SF1: variants seen among roughly 807,000 people sequenced by gnomAD.
The protein encoded by SF1 is branch point-binding protein.
SF1 carries 7 observed loss-of-function variants against 62.5 expected under a neutral mutation model. That is an observed-to-expected ratio of 0.11 (90% CI 0.06 to 0.21). SF1 has a LOEUF of 0.21. Among genes scored for constraint, SF1 ranks in the 10% least tolerant of loss-of-function variants. The pLI, the probability that SF1 is intolerant of heterozygous loss-of-function variation, is 1.00. For synonymous variants in SF1, 394 were observed against 323.6 expected, an observed-to-expected ratio of 1.22 and a Z score of -2.33; for missense variants, 578 against 884.0, an observed-to-expected ratio of 0.65 and a Z score of 4.39.
intron 1 of SF1, among the ~76,000 whole-genome samples, chr11:64,777,329 A>C (rs1225627977): frequency 6.6e-6 from 1 of 152,156 alleles, no homozygotes; most frequent in African/African-American, 2.4e-5. Flanking sequence ...TCTATTTCCC[A>C]AGGGGTACAG....
chr11:64,767,373 G>A (rs1439599210), intron 10 of SF1, 122 bp from the exon 11 acceptor site: 6 of 1,114,642 alleles, frequency 5.4e-6, no homozygotes, highest in Non-Finnish European at 8.1e-6. Flanking sequence ...GTAAAAGGCA[G>A]GTCTGTGCTT....
intron 1 of SF1, 167 bp downstream of exon 1, chr11:64,778,195 C>T: frequency 9.4e-7 from 1 of 1,065,454 alleles, no homozygotes; most frequent in Non-Finnish European, 1.2e-6. Flanking sequence ...GAGGCAGCGC[C>T]GCGAAGGGGA....
intron 3 of SF1, chr11:64,771,570 C>T: frequency 2.0e-6 from 2 of 985,432 alleles, no homozygotes; most frequent in South Asian, 4.7e-5. Flanking sequence ...ACGTTACACA[C>T]ACGATGGAAT....
chr11:64,773,206 T>G (rs1938599439), intron 3 of SF1: 1 of 1,352,210 alleles, frequency 7.4e-7, no homozygotes, highest in East Asian at 3.2e-5. Flanking sequence ...AGTTGTCCAT[T>G]TTCCTGTAAC....
At chr11:64,777,386 C>T (rs1248897626) in intron 1 of SF1, 2 of 517,380 alleles carry the variant, frequency 3.9e-6, no homozygotes, top group Non-Finnish European at 5.0e-6. Context: ...GGCAGCCGAT[C>T]AGACTGAGAT....
chr11:64,766,291 G>A (rs1167617211), intron 12 of SF1, 136 bp from the exon 13 acceptor site: 3 of 191,138 alleles, frequency 1.6e-5, no homozygotes, highest in South Asian at 5.6e-5. Context: ...GCGGGTGGGC[G>A]GGGCTGGTGA....
intron 2 of SF1, 63 bp downstream of exon 2, chr11:64,776,435 G>A: frequency 6.5e-7 from 1 of 1,533,284 alleles, no homozygotes; most frequent in Non-Finnish European, 8.9e-7. Context: ...AAAAAATGCA[G>A]ATCTTGCTCA....
At chr11:64,776,880 A>G (rs1939350454) in intron 1 of SF1, among the ~76,000 whole-genome samples, 1 of 152,202 alleles carries the variant, frequency 6.6e-6, no homozygotes, top group Non-Finnish European at 1.5e-5. Context: ...AAACTGTCAG[A>G]TATATAAACG....
chr11:64,769,008 A>C lies in SF1; in HGVS notation c.887+14T>G. The C allele has an allele frequency of 6.3e-7, 1 of 1,585,230 alleles. No individual in the cohort carries two copies. Among genetic ancestry groups the C allele is most frequent in the South Asian group, 1.1e-5 (1 of 90,524 alleles). On this transcript the variant is annotated intron_variant, in intron 8 of 12. Transcript: ENST00000377390. ...TCGCAGGCTACCAGGAAACCGCAAGAGCCAGCCCCTCACCTTTGGAATTTA... is the reference window on the plus strand; with the variant it reads ...TCGCAGGCTACCAGGAAACCGCAAGCGCCAGCCCCTCACCTTTGGAATTTA...
rs549328186 is a variant in SF1 at position 64,772,324 on chromosome 11, A to T, written c.236+1106T>A. ...GGTCTATGACCTACAATGTAAATTT[A>T]AAAAAAAAAAAAATCTTCAAAAAGA... On this transcript the variant is annotated intron_variant, in intron 3 of 12. Coordinates refer to ENST00000377390, the MANE Select transcript of SF1 (RefSeq NM_004630.4). 2.2e-3 allele frequency: 529 copies of T among 245,826 alleles called. 1 individual carries two copies. Among genetic ancestry groups the T allele is most frequent in the African/African-American group, 5.9e-3 (245 of 41,308 alleles). 15.2% of individuals were successfully genotyped at this position (245,826 alleles called of 1,614,324 possible). A position where few individuals can be genotyped will look rare whatever the true frequency, so the allele number is the denominator to read the frequency against.
At chr11:64,767,919 C>A in intron 9 of SF1, 75 bp from the exon 10 acceptor site, 1 of 1,560,256 alleles carries the variant, frequency 6.4e-7, no homozygotes. Flanking sequence ...GGTTATGACA[C>A]AGGACCAGAA....
At chr11:64,770,849 G>A (rs1174462102) in intron 3 of SF1, among the ~76,000 whole-genome samples, 3 of 152,162 alleles carry the variant, frequency 2.0e-5, no homozygotes, top group South Asian at 2.1e-4. Context: ...GCCCTATGAG[G>A]AAAAGCTTCT....
rs1592438951 is a variant in SF1, at chr11:64,765,935, A to G, written c.1803T>C (p.Pro601=). The G allele has an allele frequency of 7.1e-7, 1 of 1,406,546 alleles. No individual in the cohort carries two copies. The highest frequency in any genetic ancestry group is 9.4e-7 in the Non-Finnish European group (1 of 1,068,250). The allele number at this position is 1,406,546 out of a possible 1,614,324, so 87.1% of individuals were successfully genotyped here. A position where few individuals can be genotyped will look rare whatever the true frequency, so the allele number is the denominator to read the frequency against. ...AAGGGTCCATGGGAGGCGGAGGAGG[A>G]GGGGGCGGGGCATACATCATGCCGG... ...GSAGMMYAPP[P]PPPPPMDPSN... The change falls in exon 13 of 13, where the codon CCT becomes CCC. Residue 601 remains proline, a synonymous_variant. Transcript: ENST00000377390.
rs1225565877 is a variant in SF1 at position 64,770,351 on chromosome 11, C to A, written c.294G>T (p.Glu98Asp). The A allele has an allele frequency of 6.2e-7, 1 of 1,614,020 alleles. No homozygotes were observed. The highest frequency in any genetic ancestry group is 8.5e-7 in the Non-Finnish European group (1 of 1,180,050). ...NSEGKRLNTR[E>D]FRTRKKLEEE... Reference sequence around the variant, plus strand: ...CTTCCAGCTTTTTGCGGGTGCGGAACTCTCGGGTGTTAAGCCGCTTCCCCT... The same window carrying A: ...CTTCCAGCTTTTTGCGGGTGCGGAAATCTCGGGTGTTAAGCCGCTTCCCCT... Residue 98 changes from glutamate (E) to aspartate (D), a missense_variant, in exon 4 of 13, where the codon GAG becomes GAT. Glu to Asp is a conservative substitution (Grantham distance 45). This residue lies in a region of SF1 where 68 missense variants were observed against 170.7 expected (regional missense o/e 0.40). Coordinates refer to ENST00000377390, the MANE Select transcript of SF1 (RefSeq NM_004630.4).
At position 64,765,605 on chromosome 11, in the gene SF1, G is replaced by C; in HGVS notation, c.*213C>G. The C allele has an allele frequency of 6.6e-7, 1 of 1,507,830 alleles. No homozygotes were observed. Among genetic ancestry groups the C allele is most frequent in the Non-Finnish European group, 8.8e-7 (1 of 1,136,704 alleles). 93.4% of individuals were successfully genotyped at this position (1,507,830 alleles called of 1,614,324 possible). A position where few individuals can be genotyped will look rare whatever the true frequency, so the allele number is the denominator to read the frequency against. ...AGACACTCGATGCTACGGGGCGCCA[G>C]GAGAGCCCAAGCTGGCGCCCCTACT... is the stretch of plus-strand genomic sequence containing the variant. On this transcript the variant is annotated 3_prime_UTR_variant, in exon 13 of 13. Transcript: ENST00000377390.
chr11:64,778,416 G>C lies in SF1; in HGVS notation c.-24C>G, dbSNP rs1381291196. ...ATGGCGCCCCCGGGGACAGGCACCG[G>C]CACCTGCTTTTCCTCTGCGGCGGCT... On this transcript the variant is annotated 5_prime_UTR_variant, in exon 1 of 13. Transcript: ENST00000377390. The C allele has an allele frequency of 1.6e-6, 2 of 1,225,952 alleles. No individual in the cohort carries two copies. The highest frequency in any genetic ancestry group is 2.0e-6 in the Non-Finnish European group (2 of 983,082). The allele number at this position is 1,225,952 out of a possible 1,614,324, so 75.9% of individuals were successfully genotyped here. A position where few individuals can be genotyped will look rare whatever the true frequency, so the allele number is the denominator to read the frequency against.
intron 1 of SF1, among the ~76,000 whole-genome samples, chr11:64,777,152 A>C (rs142189474): frequency 6.6e-6 from 1 of 152,238 alleles, no homozygotes; most frequent in African/African-American, 2.4e-5. Context: ...CTTTGTCTTC[A>C]TAAGTTTAGC....
chr11:64,773,084 C>T, intron 3 of SF1: 1 of 1,142,692 alleles, frequency 8.8e-7, no homozygotes, highest in Non-Finnish European at 1.1e-6. Context: ...AACTCTATGC[C>T]CTGGGCTTTT....
chr11:64,772,050 T>A (rs1938405550), intron 3 of SF1: 1 of 985,432 alleles, frequency 1.0e-6, no homozygotes, highest in African/African-American at 1.7e-5. Context: ...ATTGGCCATG[T>A]GAAGGCCTCA....
Sources: allele counts gnomAD v4.1 joint callset (sites outside exome capture counted in the v4.1 genomes callset), GRCh38; gene constraint gnomAD v4.1.1; regional missense constraint gnomAD v4.1.1; transcripts MANE v1.5; gene names NCBI Gene and HGNC (gene_info 2026-07-23, HGNC 2026-07-21).